The following CALCR variants were observed in gnomAD, a reference collection of about 807,000 sequenced individuals.
CALCR encodes calcitonin receptor.
A neutral mutation model predicts 59.5 loss-of-function variants in CALCR; 47 were observed. The observed-to-expected ratio is 0.79, with a 90% CI of 0.63 to 1.01. CALCR has a LOEUF of 1.01. CALCR is among the 50% of genes least tolerant of loss of function. The pLI is 0.00. For missense variants in CALCR, 566 were observed against 597.1 expected (o/e 0.95, Z 0.54); for synonymous variants, 213 against 211.3 (o/e 1.01, Z -0.07).
chr7:93,426,462 A>C lies in CALCR; in HGVS notation c.1319T>G (p.Ile440Ser). The change falls in exon 14 of 14, where the codon ATT becomes AGT. Residue 440 changes from isoleucine to serine, a missense_variant. By Grantham distance (142) the Ile-to-Ser change is moderately radical (BLOSUM62 -2). Transcript: ENST00000426151. Reference sequence around the variant, plus strand: ...CCTCAGCTCCTGATGGCAGATGTAAATTGGGATGTCGCCAGCCTCCGCAGC... The same window carrying C: ...CCTCAGCTCCTGATGGCAGATGTAACTTGGGATGTCGCCAGCCTCCGCAGC... Reference protein sequence around the residue: ...AAAAEAGDIPIYICHQELRNE... With the variant: ...AAAAEAGDIPSYICHQELRNE... The C allele has an allele frequency of 1.9e-6, 3 of 1,613,902 alleles. No homozygotes were observed. In the South Asian group the frequency reaches 3.3e-5, roughly 18 times the overall value.
chr7:93,491,967 C>T (rs560302972), intron 2 of CALCR, among the ~76,000 whole-genome samples: 5 of 151,962 alleles, frequency 3.3e-5, no homozygotes, highest in African/African-American at 1.2e-4. Context: ...TTTATTGCAG[C>T]ACTATTTACA....
intron 2 of CALCR, among the ~76,000 whole-genome samples, chr7:93,564,589 A>C (rs537372998): frequency 2.4e-3 from 367 of 152,158 alleles, no homozygotes; most frequent in African/African-American, 8.5e-3. Flanking sequence ...AGTAGCTGGG[A>C]TTACAGGCGC....
At chr7:93,444,244 G>A (rs960640748) in intron 8 of CALCR, among the ~76,000 whole-genome samples, 4 of 152,026 alleles carry the variant, frequency 2.6e-5, no homozygotes, top group Admixed American at 6.6e-5. Context: ...CAGGAGATAC[G>A]CTGAGCCTAG....
chr7:93,527,365 A>G (rs1788684844), intron 2 of CALCR, among the ~76,000 whole-genome samples: 1 of 150,894 alleles, frequency 6.6e-6, no homozygotes, highest in African/African-American at 2.4e-5. Context: ...ATAAATGTAT[A>G]TTTAAATGGT....
rs765701016 is a variant in CALCR at position 93,496,128 on chromosome 7, G to A, written c.-26-9121C>T. On this transcript the variant is annotated intron_variant, in intron 2 of 13. Transcript: ENST00000426151. ...AAATGTCAATGTCTGAAAATAATGT[G>A]TCTATTCTTATAGATTGGCATTTCC... Among the ~76,000 whole-genome samples the A allele has an allele frequency of 1.1e-4, 17 of 151,498 alleles. No homozygotes were observed. The South Asian group carries it at 1.2e-3, about 11-fold the overall frequency.
chr7:93,523,640 C>T (rs771017668), intron 2 of CALCR, among the ~76,000 whole-genome samples: 6 of 152,078 alleles, frequency 3.9e-5, no homozygotes, highest in Non-Finnish European at 1.5e-5. Flanking sequence ...CAAATAAGTT[C>T]TTATTATCCT....
At chr7:93,495,976 T>A in intron 2 of CALCR, 1 of 1,442,180 alleles carries the variant, frequency 6.9e-7, no homozygotes, top group Non-Finnish European at 9.3e-7. Flanking sequence ...TCATTTATTC[T>A]GTGAATAAAT....
At chr7:93,438,377 T>A in intron 9 of CALCR, 107 bp from the exon 10 acceptor site, 1 of 817,552 alleles carries the variant, frequency 1.2e-6, no homozygotes, top group Non-Finnish European at 2.1e-6. Context: ...GCAAATTGAG[T>A]GCATCTGTCA....
chr7:93,436,634 C>T (rs1302441735), intron 11 of CALCR, among the ~76,000 whole-genome samples: 1 of 152,056 alleles, frequency 6.6e-6, no homozygotes, highest in African/African-American at 2.4e-5. Context: ...TTTAATGTAG[C>T]TGATTTATCA....
chr7:93,506,875 G>C (rs1337858306), intron 2 of CALCR, among the ~76,000 whole-genome samples: 1 of 152,120 alleles, frequency 6.6e-6, no homozygotes, highest in Non-Finnish European at 1.5e-5. Flanking sequence ...AATCATGCAG[G>C]TGGGTTTTTC....
At chr7:93,533,856 A>G (rs988593586) in intron 2 of CALCR, among the ~76,000 whole-genome samples, 13 of 151,954 alleles carry the variant, frequency 8.6e-5, no homozygotes, top group Middle Eastern at 6.8e-3. Flanking sequence ...TTTGGGAAGT[A>G]AATCTGGAGG....
chr7:93,447,089 A>G (rs754657802), intron 8 of CALCR, among the ~76,000 whole-genome samples: 1 of 152,046 alleles, frequency 6.6e-6, no homozygotes, highest in Admixed American at 6.6e-5. Flanking sequence ...TTAATAAAAC[A>G]TACAGTTTGT....
intron 2 of CALCR, among the ~76,000 whole-genome samples, chr7:93,492,346 A>G (rs1304679823): frequency 6.6e-6 from 1 of 151,336 alleles, no homozygotes; most frequent in Non-Finnish European, 1.5e-5. Context: ...CACATATTTT[A>G]AAAAACAAAA....
chr7:93,459,790 T>C (rs527707944), intron 8 of CALCR, among the ~76,000 whole-genome samples: 5 of 152,132 alleles, frequency 3.3e-5, no homozygotes, highest in Non-Finnish European at 7.3e-5. Flanking sequence ...TGAACAACTC[T>C]CAGGACAATT....
At chr7:93,493,042 A>G (rs1053832453) in intron 2 of CALCR, among the ~76,000 whole-genome samples, 3 of 151,342 alleles carry the variant, frequency 2.0e-5, no homozygotes, top group Admixed American at 1.3e-4. Flanking sequence ...CAAACTACCC[A>G]TTTGGCATTC....
At chr7:93,505,162 G>GA (rs112032323) in intron 2 of CALCR, among the ~76,000 whole-genome samples, 38 of 147,440 alleles carry the variant, frequency 2.6e-4, no homozygotes, top group East Asian at 5.9e-4. Flanking sequence ...TAGCTAAGTG[G>GA]AAAAAAAAAA....
rs1790044296 is a variant in CALCR at position 93,573,186 on chromosome 7, AT to A, written c.-27+1102del. 2.6e-5 allele frequency among the ~76,000 whole-genome samples: 4 copies of A among 152,368 alleles called. No homozygotes were observed. The South Asian group carries it at 8.3e-4, about 32-fold the overall frequency. ...ATAGGCTAGCAATATCCTATTAGAAATTACACTTTATAAATTCCATAATACT... is the reference window on the plus strand; with the variant it reads ...ATAGGCTAGCAATATCCTATTAGAAATACACTTTATAAATTCCATAATACT... On this transcript the variant is annotated intron_variant, in intron 2 of 13. Coordinates refer to ENST00000426151, the MANE Select transcript of CALCR (RefSeq NM_001742.4).
chr7:93,459,059 T>C (rs969315920), intron 8 of CALCR, among the ~76,000 whole-genome samples: 15 of 152,196 alleles, frequency 9.9e-5, no homozygotes, highest in African/African-American at 3.6e-4. Context: ...AAATATTTAC[T>C]GAGGGCAAAA....
At chr7:93,437,024 ATC>A (rs1491292461) in intron 11 of CALCR, among the ~76,000 whole-genome samples, 3 of 104,564 alleles carry the variant, frequency 2.9e-5, no homozygotes, top group African/African-American at 1.2e-4. Flanking sequence ...TAATTGTTGA[ATC>A]TTTTTTTTTA....
Sources: allele counts gnomAD v4.1 joint callset (sites outside exome capture counted in the v4.1 genomes callset), GRCh38; gene constraint gnomAD v4.1.1; transcripts MANE v1.5; gene names NCBI Gene and HGNC (gene_info 2026-07-23, HGNC 2026-07-21).